The following DNAH5 variants were observed in gnomAD, a reference collection of about 807,000 sequenced individuals.
DNAH5 encodes the protein dynein axonemal heavy chain 5, also known as axonemal beta dynein heavy chain 5.
Under a neutral mutation model 518.2 loss-of-function variants are expected in DNAH5, and 372 were observed. The ratio of observed to expected loss-of-function variants is 0.72; its 90% CI spans 0.66 to 0.78. The LOEUF is 0.78. DNAH5 is among the 30% of genes least tolerant of loss of function. DNAH5 has a pLI of 0.00. For synonymous variants in DNAH5, 2,039 were observed against 2,025.9 expected (o/e 1.01, Z -0.17); for missense variants, 5,523 against 5,687.0 (o/e 0.97, Z 0.93).
chr5:13,867,950 T>C lies in DNAH5; in HGVS notation c.3877A>G (p.Arg1293Gly). Reference protein sequence around the residue: ...LLNRYGLLIAREEIDKVDTLH... With the variant: ...LLNRYGLLIAGEEIDKVDTLH... ...GTATCAACTTTGTCTATCTCTTCCCTTGCTATCAGAAGTCCATATCTGTTA... is the reference window on the plus strand; with the variant it reads ...GTATCAACTTTGTCTATCTCTTCCCCTGCTATCAGAAGTCCATATCTGTTA... Residue 1293 changes from arginine (R) to glycine (G), a missense_variant, in exon 25 of 79, where the codon AGG becomes GGG. Physicochemically the swap from Arg to Gly is moderately radical, Grantham distance 125 (BLOSUM62 -2). Around this residue, in one of 3 missense-constraint regions of DNAH5, gnomAD observed 5,121 missense variants for 5,223.3 expected, o/e 0.98. Transcript: ENST00000265104. 6.2e-7 allele frequency: 1 copy of C among 1,613,974 alleles called. No individual in the cohort carries two copies. Among genetic ancestry groups the C allele is most frequent in the Non-Finnish European group, 8.5e-7 (1 of 1,179,942 alleles).
At chr5:13,888,201 A>G (rs1272667991) in intron 17 of DNAH5, among the ~76,000 whole-genome samples, 1 of 152,182 alleles carries the variant, frequency 6.6e-6, no homozygotes, top group Admixed American at 6.5e-5. Flanking sequence ...CCACAACCTG[A>G]GTTCTGAATC....
chr5:13,965,446 C>T (rs1291681153), intron 1 of DNAH5, among the ~76,000 whole-genome samples: 1 of 152,054 alleles, frequency 6.6e-6, no homozygotes, highest in African/African-American at 2.4e-5. Context: ...TGTTTTCATA[C>T]CTTAAAAAAC....
At chr5:13,971,462 C>T (rs530380460) in intron 1 of DNAH5, among the ~76,000 whole-genome samples, 1 of 152,148 alleles carries the variant, frequency 6.6e-6, no homozygotes, top group Non-Finnish European at 1.5e-5. Flanking sequence ...TGTCCCACCG[C>T]GTGCTCCCTG....
chr5:13,712,257 G>C (rs1743584238), intron 75 of DNAH5, among the ~76,000 whole-genome samples: 1 of 152,132 alleles, frequency 6.6e-6, no homozygotes, highest in African/African-American at 2.4e-5. Flanking sequence ...TGGGATAATT[G>C]GCTAACCACA....
intron 1 of DNAH5, among the ~76,000 whole-genome samples, chr5:13,962,241 T>C (rs1010671572): frequency 2.0e-5 from 3 of 152,194 alleles, no homozygotes; most frequent in Non-Finnish European, 4.4e-5. Flanking sequence ...ACCTGACTTA[T>C]TGTATGTAAA....
At chr5:13,981,307 A>G (rs1782658329) in intron 1 of DNAH5, among the ~76,000 whole-genome samples, 1 of 152,232 alleles carries the variant, frequency 6.6e-6, no homozygotes, top group Non-Finnish European at 1.5e-5. Flanking sequence ...GTACTTGATC[A>G]TGAGCTCTTT....
At chr5:13,989,908 C>T (rs572715229) in intron 1 of DNAH5, among the ~76,000 whole-genome samples, 21 of 152,180 alleles carry the variant, frequency 1.4e-4, no homozygotes, top group Admixed American at 6.5e-4. Context: ...CTATACCAGG[C>T]CCTGTTCTAA....
chr5:13,994,405 T>C (rs1019130126), intron 1 of DNAH5, among the ~76,000 whole-genome samples: 7 of 152,160 alleles, frequency 4.6e-5, no homozygotes, highest in African/African-American at 1.7e-4. Flanking sequence ...GGTAGATAAA[T>C]TCAAGAAACA....
chr5:13,748,508 T>C (rs1391908907), intron 65 of DNAH5, among the ~76,000 whole-genome samples: 1 of 152,234 alleles, frequency 6.6e-6, no homozygotes, highest in East Asian at 1.9e-4. Flanking sequence ...TTCCTATCCA[T>C]GAGCATGGAA....
At chr5:13,918,681 G>T (rs1346346771) in intron 7 of DNAH5, among the ~76,000 whole-genome samples, 3 of 152,090 alleles carry the variant, frequency 2.0e-5, no homozygotes, top group Non-Finnish European at 4.4e-5. Context: ...TATTGGCCAG[G>T]CTGGTCTCAA....
intron 15 of DNAH5, chr5:13,898,646 A>AAT (rs1199956166): frequency 2.8e-5 from 11 of 398,488 alleles, no homozygotes; most frequent in Non-Finnish European, 4.9e-5. Context: ...GAAATAAAAT[A>AAT]ATAGTATTCT....
At chr5:13,823,067 A>C (rs1762432717) in intron 40 of DNAH5, among the ~76,000 whole-genome samples, 196 bp downstream of exon 40, 1 of 152,214 alleles carries the variant, frequency 6.6e-6, no homozygotes, top group Non-Finnish European at 1.5e-5. Flanking sequence ...GTGGCTGTGC[A>C]ATGGTAGGAG....
chr5:13,795,033 T>G lies in DNAH5; in HGVS notation c.7888-975A>C, dbSNP rs183485223. Among the ~76,000 whole-genome samples the G allele has an allele frequency of 2.1e-4, 32 of 152,284 alleles. 1 individual carries two copies. The highest frequency in any genetic ancestry group is 4.4e-5 in the Non-Finnish European group (3 of 68,000). ...AAAAAGATATTAAAACTGAAAGAACTGGGACACATTTAAAGCAGCGTGTAG... is the reference window on the plus strand; with the variant it reads ...AAAAAGATATTAAAACTGAAAGAACGGGGACACATTTAAAGCAGCGTGTAG... On this transcript the variant is annotated intron_variant, in intron 47 of 78. Coordinates refer to ENST00000265104, the MANE Select transcript of DNAH5 (RefSeq NM_001369.3).
At chr5:13,846,942 C>T (rs944647534) in intron 31 of DNAH5, among the ~76,000 whole-genome samples, 3 of 152,134 alleles carry the variant, frequency 2.0e-5, no homozygotes, top group Non-Finnish European at 2.9e-5. Flanking sequence ...TCAAATATCC[C>T]AATCCTTATT....
rs375537280 is a variant in DNAH5 at position 13,919,267 on chromosome 5, G to C, written c.884C>G (p.Ser295Cys). The C allele has an allele frequency of 1.9e-6, 3 of 1,614,008 alleles. No individual in the cohort carries two copies. In the African/African-American group the frequency reaches 4.0e-5, roughly 22 times the overall value. The change falls in exon 7 of 79, where the codon TCC (serine) becomes TGC (cysteine). Residue 295 changes from serine to cysteine, a missense_variant. Physicochemically the swap from Ser to Cys is moderately radical, Grantham distance 112. Transcript: ENST00000265104. ...TTGTTCCAAAAGGTAGTTAAACTTG[G>C]AGAGTCTTTTTTTCCAGTGCTCCAG... ...AELEHWKKRL[S>C]KFNYLLEQLK...
intron 1 of DNAH5, among the ~76,000 whole-genome samples, chr5:13,995,392 C>T (rs536097818): frequency 3.9e-4 from 60 of 152,234 alleles, no homozygotes; most frequent in African/African-American, 1.4e-3. Flanking sequence ...CTCCTGCTTC[C>T]CTCCTTCCAT....
intron 69 of DNAH5, among the ~76,000 whole-genome samples, 181 bp downstream of exon 69, chr5:13,729,258 G>A (rs140444766): frequency 1.2e-4 from 18 of 152,324 alleles, no homozygotes; most frequent in Admixed American, 2.0e-4. Flanking sequence ...ATCAGTTAAC[G>A]ATGAGCAGAG....
intron 1 of DNAH5, among the ~76,000 whole-genome samples, chr5:13,992,283 G>C (rs535121956): frequency 2.0e-4 from 31 of 151,946 alleles, no homozygotes; most frequent in Non-Finnish European, 3.7e-4. Context: ...TCCCACCAAG[G>C]CCTCAAACCC....
chr5:13,893,252 GGA>G (rs1196168514), intron 16 of DNAH5, among the ~76,000 whole-genome samples: 1 of 151,824 alleles, frequency 6.6e-6, no homozygotes, highest in Non-Finnish European at 1.5e-5. Flanking sequence ...CGGAGTTGGG[GGA>G]GAGAGAGAGA....
Sources: allele counts gnomAD v4.1 joint callset (sites outside exome capture counted in the v4.1 genomes callset), GRCh38; gene constraint gnomAD v4.1.1; regional missense constraint gnomAD v4.1.1; transcripts MANE v1.5; gene names NCBI Gene and HGNC (gene_info 2026-07-23, HGNC 2026-07-21).